HDGFL3: variants seen among roughly 807,000 people sequenced by gnomAD.
The protein encoded by HDGFL3 is hepatoma-derived growth factor-related protein 3.
In HDGFL3, 6 loss-of-function variants were observed where a neutral mutation model predicts 27.6. The ratio of observed to expected loss-of-function variants is 0.22; its 90% confidence interval spans 0.12 to 0.43. HDGFL3 has a LOEUF of 0.43. Ranked by LOEUF, HDGFL3 falls within the 20% of genes least tolerant of loss-of-function variation. The pLI is 1.00. For missense variants in HDGFL3, 207 were observed against 250.1 expected, an observed-to-expected ratio of 0.83 and a Z score of 1.16; for synonymous variants, 88 against 88.9, an observed-to-expected ratio of 0.99 and a Z score of 0.05.
intron 5 of HDGFL3, among the ~76,000 whole-genome samples, chr15:83,146,348 T>TGTA (rs920319210): frequency 6.6e-6 from 1 of 152,216 alleles, no homozygotes; most frequent in African/African-American, 2.4e-5. Context: ...TGTCTTGTGA[T>TGTA]GTAGACAGTG....
chr15:83,206,090 G>A (rs1326803452), intron 1 of HDGFL3, among the ~76,000 whole-genome samples: 1 of 152,148 alleles, frequency 6.6e-6, no homozygotes, highest in Non-Finnish European at 1.5e-5. Context: ...CCAATTCCTG[G>A]CCTAGTGTTC....
intron 1 of HDGFL3, among the ~76,000 whole-genome samples, chr15:83,201,243 A>C (rs1373082581): frequency 6.6e-6 from 1 of 152,174 alleles, no homozygotes; most frequent in East Asian, 1.9e-4. Context: ...AATAAAAATA[A>C]ATTATGAGAA....
intron 1 of HDGFL3, chr15:83,179,893 C>T (rs2037358336): frequency 6.6e-6 from 1 of 152,174 alleles, no homozygotes; most frequent in Non-Finnish European, 1.5e-5. Context: ...TGTTATAAGT[C>T]TAGTCCTATG....
At chr15:83,170,290 C>T (rs533949462) in intron 1 of HDGFL3, among the ~76,000 whole-genome samples, 6 of 152,198 alleles carry the variant, frequency 3.9e-5, no homozygotes, top group South Asian at 2.1e-4. Flanking sequence ...AACAAAGCCA[C>T]GGGCATCACA....
In HDGFL3 at chr15:83,132,964, C is replaced by G. The variant is rs17567151; in HGVS notation, c.*6306G>C. 37,935 of 152,160 alleles carry G rather than the reference C, an allele frequency of 0.25. 5,102 individuals carry two copies. Among genetic ancestry groups the G allele is most frequent in the African/African-American group, 0.35 (14,344 of 41,484 alleles). 9.4% of individuals were successfully genotyped at this position (152,160 alleles called of 1,614,324 possible). On this transcript the variant is annotated 3_prime_UTR_variant, in exon 6 of 6. Coordinates refer to ENST00000299633, the MANE Select transcript of HDGFL3 (RefSeq NM_016073.4). ...AAAAACAAAGGGCCCAGATTTTCTA[C>G]AGTCGAGCACCAGATCATGAATGGG...
chr15:83,121,729 CTATAG>C (rs1203262111), intron 3 of HDGFL3, among the ~76,000 whole-genome samples: 1 of 152,222 alleles, frequency 6.6e-6, no homozygotes, highest in East Asian at 1.9e-4. Context: ...GAAGAAGGTT[CTATAG>C]TATATCACAT....
intron 1 of HDGFL3, among the ~76,000 whole-genome samples, chr15:83,175,287 T>C (rs896047694): frequency 6.6e-6 from 1 of 152,242 alleles, no homozygotes; most frequent in Non-Finnish European, 1.5e-5. Context: ...GGTTCCCTCA[T>C]GAATTTAATG....
At chr15:83,163,106 T>C (rs2037120881) in intron 2 of HDGFL3, among the ~76,000 whole-genome samples, 1 of 152,218 alleles carries the variant, frequency 6.6e-6, no homozygotes. Context: ...GTGTAAATGA[T>C]GTACAGTAAG....
At chr15:83,193,438 G>A (rs1454087608) in intron 1 of HDGFL3, among the ~76,000 whole-genome samples, 1 of 152,134 alleles carries the variant, frequency 6.6e-6, no homozygotes, top group Non-Finnish European at 1.5e-5. Flanking sequence ...ATAAGCATCG[G>A]CGAGGAAGTA....
At chr15:83,141,047 A>G (rs2036759518) in intron 5 of HDGFL3, among the ~76,000 whole-genome samples, 1 of 152,218 alleles carries the variant, frequency 6.6e-6, no homozygotes, top group African/African-American at 2.4e-5. Context: ...GTAAAAGCAA[A>G]TTACAAAATC....
Position 83,207,312 on chromosome 15 carries a change from G to C in HDGFL3, c.84+19C>G, listed in dbSNP as rs1329821603. 7.5e-7 allele frequency: 1 copy of C among 1,339,032 alleles called. No homozygotes were observed. Among genetic ancestry groups the C allele is most frequent in the African/African-American group, 1.5e-5 (1 of 65,446 alleles). 82.9% of individuals were successfully genotyped at this position (1,339,032 alleles called of 1,614,324 possible). A position where few individuals can be genotyped will look rare whatever the true frequency, so the allele number is the denominator to read the frequency against. On this transcript the variant is annotated intron_variant, in intron 1 of 5. Transcript: ENST00000299633. This position sits in a 1 kb window ranked among gnomAD's most constrained non-coding sequence, Gnocchi z 4.8. ...GAAAATGGTGGGCGGGCGGGCCCGC[G>C]CGCGGCCGCGGTACTCACCCGGGCC...
downstream of HDGFL3, chr15:83,124,727 T>C: frequency 6.2e-7 from 1 of 1,614,190 alleles, no homozygotes; most frequent in Non-Finnish European, 8.5e-7. Context: ...GATTTAATGT[T>C]GGTTGTGTGT....
chr15:83,166,192 A>C (rs1011063177), intron 1 of HDGFL3, among the ~76,000 whole-genome samples: 2 of 152,230 alleles, frequency 1.3e-5, no homozygotes, highest in Non-Finnish European at 1.5e-5. Flanking sequence ...AAAATATTGA[A>C]GGCAGCTAGA....
rs889363207 is a variant in HDGFL3, at chr15:83,137,877, T to C, written c.*1393A>G. 1 of 152,056 alleles carries C rather than the reference T, an allele frequency of 6.6e-6. No homozygotes were observed. Among genetic ancestry groups the C allele is most frequent in the Non-Finnish European group, 1.5e-5 (1 of 67,980 alleles). The allele number at this position is 152,056 out of a possible 1,614,324, so 9.4% of individuals were successfully genotyped here. On this transcript the variant is annotated 3_prime_UTR_variant, in exon 6 of 6. Transcript: ENST00000299633. ...AATGGGATACAAATCAATGCATGGA[T>C]AATATCAAATTACAAAATCTAGGGT... is the stretch of plus-strand genomic sequence containing the variant.
chr15:83,168,954 G>A (rs527782843), intron 1 of HDGFL3, among the ~76,000 whole-genome samples: 1 of 152,088 alleles, frequency 6.6e-6, no homozygotes, highest in South Asian at 2.1e-4. Context: ...TTTCTAGGAC[G>A]CAAAGTTGGT....
At chr15:83,186,868 T>G (rs775499224) in intron 1 of HDGFL3, among the ~76,000 whole-genome samples, 43 of 152,162 alleles carry the variant, frequency 2.8e-4, no homozygotes, top group Non-Finnish European at 5.6e-4. Context: ...TTGTACCCCA[T>G]AAAGATATTG....
At chr15:83,178,238 C>T (rs62010219) in intron 1 of HDGFL3, among the ~76,000 whole-genome samples, 5,212 of 152,242 alleles carry the variant, frequency 0.034, 129 homozygotes, top group Non-Finnish European at 0.055. Flanking sequence ...CTACTAATGT[C>T]AAATATTTGT....
At chr15:83,127,687 A>G, downstream of HDGFL3, 1 of 470,952 alleles carries the variant, frequency 2.1e-6, no homozygotes, top group South Asian at 2.4e-5. Flanking sequence ...ATCCAGTTAC[A>G]CAGATGAGGA....
rs550002640 is a variant in HDGFL3, at chr15:83,192,867, C to G, written c.84+14464G>C. On this transcript the variant is annotated intron_variant, in intron 1 of 5. Coordinates refer to ENST00000299633, the MANE Select transcript of HDGFL3 (RefSeq NM_016073.4). ...CATTTTCTGAACACTATCTTACTTT[C>G]TTTGTTCTCAATTCTAACCAATTGC... Among the ~76,000 whole-genome samples the G allele has an allele frequency of 7.9e-5, 12 of 152,318 alleles. No individual in the cohort carries two copies. The South Asian group carries it at 2.5e-3, about 32-fold the overall frequency.
Sources: gnomAD v4.1 joint callset for allele counts (sites outside exome capture counted in the v4.1 genomes callset) on GRCh38, gnomAD v4.1.1 for gene constraint, Gnocchi (gnomAD v3.1) non-coding constraint, MANE v1.5 for transcripts, NCBI Gene and HGNC (gene_info 2026-07-23, HGNC 2026-07-21) for gene names.